The following SHANK2 variants were observed in gnomAD, a reference collection of about 807,000 sequenced individuals.
SHANK2 encodes SH3 and multiple ankyrin repeat domains 2.
In SHANK2, 43 loss-of-function variants were observed where a neutral mutation model predicts 133.7. The ratio of observed to expected loss-of-function variants is 0.32; its 90% CI spans 0.25 to 0.41. The LOEUF (loss-of-function observed/expected upper bound fraction) is 0.41, where lower values mean the gene tolerates loss of function less well. Ranked by LOEUF, SHANK2 falls within the 10% of genes least tolerant of loss-of-function variation. SHANK2 has a pLI of 1.00. For missense variants in SHANK2, 1,994 were observed against 2,235.8 expected (o/e 0.89, Z 2.18); for synonymous variants, 1,017 against 952.8 (o/e 1.07, Z -1.24).
At chr11:70,939,644 C>G (rs2135838315) in intron 10 of SHANK2, among the ~76,000 whole-genome samples, 1 of 152,264 alleles carries the variant, frequency 6.6e-6, no homozygotes, top group African/African-American at 2.4e-5. Context: ...CTGGGCCCTC[C>G]TGGTCCACCC....
intron 2 of SHANK2, among the ~76,000 whole-genome samples, chr11:71,171,286 T>C (rs1314993132): frequency 2.6e-5 from 4 of 151,740 alleles, no homozygotes; most frequent in African/African-American, 9.7e-5. Context: ...CAGGCTGGAG[T>C]CCCTCGAGGC....
intron 17 of SHANK2, among the ~76,000 whole-genome samples, chr11:70,505,361 C>T (rs908024697): frequency 1.3e-5 from 2 of 152,068 alleles, no homozygotes; most frequent in South Asian, 2.1e-4. Context: ...GGGGGGGCAC[C>T]GAGACACTGG....
chr11:70,705,430 A>G (rs1289668731), intron 14 of SHANK2, among the ~76,000 whole-genome samples: 1 of 152,210 alleles, frequency 6.6e-6, no homozygotes, highest in Admixed American at 6.5e-5. Context: ...AAGACCAGAC[A>G]AAATCAAGGC....
At chr11:70,752,518 A>G (rs1194811693) in intron 14 of SHANK2, among the ~76,000 whole-genome samples, 3 of 152,122 alleles carry the variant, frequency 2.0e-5, no homozygotes, top group Non-Finnish European at 4.4e-5. Flanking sequence ...GGAGATCGAG[A>G]CCACGGTGAA....
intron 10 of SHANK2, among the ~76,000 whole-genome samples, chr11:70,919,035 G>C (rs113757544): frequency 3.9e-5 from 6 of 151,934 alleles, no homozygotes; most frequent in African/African-American, 1.4e-4. Context: ...GTGGTGGTAC[G>C]CACCTGTGGT....
In SHANK2 at chr11:70,921,322, T is replaced by G. The variant is rs962097464; in HGVS notation, c.1108-24755A>C. On this transcript the variant is annotated intron_variant, in intron 10 of 25. Transcript: ENST00000601538. Reference sequence around the variant, plus strand: ...AGGTGAGCAGATGTGCTAAAGCTGCTTCTCCCCTAGGATCATTTGTACATC... The same window carrying G: ...AGGTGAGCAGATGTGCTAAAGCTGCGTCTCCCCTAGGATCATTTGTACATC... 2.0e-5 allele frequency among the ~76,000 whole-genome samples: 3 copies of G among 152,358 alleles called. No individual in the cohort carries two copies. In the South Asian group the frequency reaches 6.2e-4, roughly 32 times the overall value.
At chr11:70,670,561 C>T (rs1944780072) in intron 15 of SHANK2, among the ~76,000 whole-genome samples, 1 of 152,198 alleles carries the variant, frequency 6.6e-6, no homozygotes, top group South Asian at 2.1e-4. Flanking sequence ...GGAGGGTTTC[C>T]CCGTCATCTG....
chr11:70,739,914 T>A lies in SHANK2; in HGVS notation c.1778-41151A>T, dbSNP rs1245391754. ...CGCCGCAGAGGATGATGATCCCGAA[T>A]CCTGGCATTCGGTGGCACGCAGGTA... On this transcript the variant is annotated intron_variant, in intron 14 of 25. Transcript: ENST00000601538. This position sits in a 1 kb window ranked among gnomAD's most constrained non-coding sequence, Gnocchi z 4.3. Among the ~76,000 whole-genome samples the A allele has an allele frequency of 1.3e-5, 2 of 152,218 alleles. No individual in the cohort carries two copies. Among genetic ancestry groups the A allele is most frequent in the Admixed American group, 1.3e-4 (2 of 15,290 alleles).
At chr11:70,548,182 C>A (rs1456713794) in intron 17 of SHANK2, among the ~76,000 whole-genome samples, 1 of 152,264 alleles carries the variant, frequency 6.6e-6, no homozygotes, top group Non-Finnish European at 1.5e-5. Context: ...AGACACTGGC[C>A]ACCCCTGGAG....
intron 17 of SHANK2, among the ~76,000 whole-genome samples, chr11:70,643,602 A>G (rs530408641): frequency 2.1e-4 from 32 of 150,364 alleles, no homozygotes; most frequent in African/African-American, 7.3e-4. Context: ...AAATATTATT[A>G]TACTACAGTG....
intron 15 of SHANK2, among the ~76,000 whole-genome samples, chr11:70,684,542 A>T (rs1945102525): frequency 6.6e-6 from 1 of 152,162 alleles, no homozygotes; most frequent in Non-Finnish European, 1.5e-5. Flanking sequence ...CCTGGGCGAC[A>T]GAGGGAAACC....
chr11:70,829,626 G>C (rs3019833), intron 11 of SHANK2, among the ~76,000 whole-genome samples: 151,210 of 152,280 alleles, frequency 0.99, 75,086 homozygotes, highest in Middle Eastern at 1. Flanking sequence ...GGGCGGGGCA[G>C]GATGAGGCTT....
At chr11:71,214,972 G>A (rs1954375552) in intron 2 of SHANK2, among the ~76,000 whole-genome samples, 1 of 152,196 alleles carries the variant, frequency 6.6e-6, no homozygotes, top group African/African-American at 2.4e-5. Context: ...GAATAGGGCT[G>A]CGTGGCGGTT....
chr11:70,550,097 G>T (rs1415380914), intron 17 of SHANK2, among the ~76,000 whole-genome samples: 1 of 152,010 alleles, frequency 6.6e-6, no homozygotes, highest in Non-Finnish European at 1.5e-5. Context: ...ACCAGCTCCC[G>T]CCAGGCTCCC....
intron 10 of SHANK2, among the ~76,000 whole-genome samples, chr11:70,906,938 G>A (rs782010500): frequency 2.0e-5 from 3 of 152,314 alleles, no homozygotes; most frequent in African/African-American, 7.2e-5. Context: ...GGGGCTTTGC[G>A]AAAACCCCAT....
chr11:70,552,562 G>A (rs782798930), intron 17 of SHANK2, among the ~76,000 whole-genome samples: 26 of 152,194 alleles, frequency 1.7e-4, no homozygotes, highest in Non-Finnish European at 2.9e-4. Flanking sequence ...TCTATGAAGC[G>A]ATTCGTCACT....
chr11:71,058,468 C>T (rs1384912783), intron 9 of SHANK2, among the ~76,000 whole-genome samples: 1 of 152,238 alleles, frequency 6.6e-6, no homozygotes, highest in Non-Finnish European at 1.5e-5. Context: ...TGTAGCCGTA[C>T]CGACTATTAG....
chr11:70,944,445 T>C (rs1950693269), intron 10 of SHANK2, among the ~76,000 whole-genome samples: 4 of 152,292 alleles, frequency 2.6e-5, no homozygotes, highest in Admixed American at 6.5e-5. Flanking sequence ...GAAAGCAGCA[T>C]AGGAGGGGCC....
intron 3 of SHANK2, among the ~76,000 whole-genome samples, chr11:71,134,687 G>A (rs1354622199): frequency 7.2e-5 from 11 of 151,978 alleles, no homozygotes; most frequent in South Asian, 2.1e-4. Context: ...TACTCCACCC[G>A]CCTCGGCCTC....
Sources: allele counts gnomAD v4.1 joint callset (sites outside exome capture counted in the v4.1 genomes callset), GRCh38; gene constraint gnomAD v4.1.1; non-coding constraint Gnocchi (gnomAD v3.1); transcripts MANE v1.5; gene names NCBI Gene and HGNC (gene_info 2026-07-23, HGNC 2026-07-21).